Variants in NSMCE2 observed in about 807,000 individuals in gnomAD.
The protein encoded by NSMCE2 is E3 SUMO-protein ligase NSE2.
A neutral mutation model predicts 23.8 loss-of-function variants in NSMCE2; 24 were observed. The observed-to-expected ratio is 1.01, with a 90% CI of 0.73 to 1.42. The LOEUF (loss-of-function observed/expected upper bound fraction) is 1.42. NSMCE2 is among the 40% of genes most tolerant of loss of function. The pLI, the probability that NSMCE2 is intolerant of heterozygous loss-of-function variation, is 0.00. For missense variants in NSMCE2, 284 were observed against 296.5 expected, an observed-to-expected ratio of 0.96 and a Z score of 0.31; for synonymous variants, 92 against 94.1, an observed-to-expected ratio of 0.98 and a Z score of 0.13.
chr8:125,107,567 T>G (rs1818526586), intron 3 of NSMCE2, among the ~76,000 whole-genome samples: 1 of 152,174 alleles, frequency 6.6e-6, no homozygotes, highest in Non-Finnish European at 1.5e-5. Context: ...CAATGATCTA[T>G]TAGAGTGCAA....
At chr8:125,153,190 A>C (rs1190125936) in intron 4 of NSMCE2, among the ~76,000 whole-genome samples, 1 of 151,506 alleles carries the variant, frequency 6.6e-6, no homozygotes, top group Non-Finnish European at 1.5e-5. Context: ...TTTCATCTTG[A>C]GGTTTCATCT....
intron 5 of NSMCE2, among the ~76,000 whole-genome samples, chr8:125,200,242 T>C (rs1016107449): frequency 3.3e-5 from 5 of 152,198 alleles, no homozygotes; most frequent in Non-Finnish European, 7.3e-5. Flanking sequence ...ATTTTGCCCG[T>C]TAATTGATGC....
chr8:125,114,369 A>G (rs1818898974), intron 3 of NSMCE2, among the ~76,000 whole-genome samples: 1 of 152,216 alleles, frequency 6.6e-6, no homozygotes, highest in East Asian at 1.9e-4. Context: ...AGCACTCAAT[A>G]AATGAAAGAA....
intron 3 of NSMCE2, among the ~76,000 whole-genome samples, chr8:125,109,939 G>C (rs1818648306): frequency 6.6e-6 from 1 of 152,006 alleles, no homozygotes; most frequent in Non-Finnish European, 1.5e-5. Context: ...GATTACCGAA[G>C]CTTATTTTTT....
chr8:125,151,140 A>C, intron 3 of NSMCE2, 31 bp from the exon 4 acceptor site: 2 of 1,223,262 alleles, frequency 1.6e-6, no homozygotes, highest in Non-Finnish European at 2.4e-6. Flanking sequence ...TTTAAATGGA[A>C]AATAATAATT....
chr8:125,103,121 A>G (rs778510471), intron 3 of NSMCE2, among the ~76,000 whole-genome samples: 1 of 151,996 alleles, frequency 6.6e-6, no homozygotes, highest in Non-Finnish European at 1.5e-5. Flanking sequence ...CAAAACCAAC[A>G]TGGTGAAACC....
intron 5 of NSMCE2, among the ~76,000 whole-genome samples, chr8:125,268,425 G>A (rs1316195525): frequency 6.6e-6 from 1 of 152,060 alleles, no homozygotes. Context: ...GGGCTGCCTA[G>A]AGAATGATCA....
chr8:125,129,667 T>C (rs1165711041), intron 3 of NSMCE2, among the ~76,000 whole-genome samples: 1 of 152,102 alleles, frequency 6.6e-6, no homozygotes, highest in Non-Finnish European at 1.5e-5. Flanking sequence ...AAGTTAAAAA[T>C]TGTTTATACT....
At chr8:125,093,495 C>T (rs1337536485) in intron 1 of NSMCE2, among the ~76,000 whole-genome samples, 1 of 151,994 alleles carries the variant, frequency 6.6e-6, no homozygotes, top group African/African-American at 2.4e-5. Context: ...TTGAGACCAG[C>T]CTGGTCAACA....
At chr8:125,116,930 C>CA (rs1270221598) in intron 3 of NSMCE2, among the ~76,000 whole-genome samples, 1 of 149,830 alleles carries the variant, frequency 6.7e-6, no homozygotes, top group Non-Finnish European at 1.5e-5. Context: ...CTCTGTCACC[C>CA]ACTCTGGTGG....
intron 4 of NSMCE2, among the ~76,000 whole-genome samples, chr8:125,153,457 T>C (rs1400427731): frequency 6.6e-6 from 1 of 152,244 alleles, no homozygotes; most frequent in Non-Finnish European, 1.5e-5. Flanking sequence ...TATGGGGATA[T>C]GACCATTTTG....
In NSMCE2 at chr8:125,182,219, A is replaced by G. The variant is rs1241101017; in HGVS notation, c.381A>G (p.Val127=). Residue 127 remains valine (V), a synonymous_variant, in exon 5 of 8, where the codon GTA becomes GTG. Coordinates refer to ENST00000287437, the MANE Select transcript of NSMCE2 (RefSeq NM_173685.4). ...ACTTTCAAAATAATGAAAAATTTGT[A>G]CAGTTTAAACAACAGCTGAAAGAAC... ...DADFQNNEKF[V]QFKQQLKELK... 1.2e-6 allele frequency: 2 copies of G among 1,606,618 alleles called. No individual in the cohort carries two copies. Among genetic ancestry groups the G allele is most frequent in the East Asian group, 4.5e-5 (2 of 44,800 alleles).
intron 4 of NSMCE2, among the ~76,000 whole-genome samples, chr8:125,164,111 G>A (rs997872344): frequency 3.9e-5 from 6 of 152,170 alleles, no homozygotes; most frequent in African/African-American, 1.4e-4. Context: ...TCATACTCCA[G>A]TCTCCTGGCC....
chr8:125,333,193 A>C (rs1346361287), intron 5 of NSMCE2, among the ~76,000 whole-genome samples: 2 of 151,916 alleles, frequency 1.3e-5, no homozygotes, highest in Non-Finnish European at 2.9e-5. Context: ...TTTTAGAAAC[A>C]GAGTCTCGCT....
intron 4 of NSMCE2, among the ~76,000 whole-genome samples, chr8:125,181,304 G>A (rs113218930): frequency 6.6e-6 from 1 of 152,092 alleles, no homozygotes; most frequent in South Asian, 2.1e-4. Flanking sequence ...CTGTGTAAAG[G>A]TTCTTGAGAA....
intron 1 of NSMCE2, among the ~76,000 whole-genome samples, chr8:125,099,561 G>A (rs1174521065): frequency 6.6e-6 from 1 of 152,130 alleles, no homozygotes. Context: ...GAACAAGGTA[G>A]GCAGGTGCAG....
intron 5 of NSMCE2, among the ~76,000 whole-genome samples, chr8:125,323,088 A>G (rs1829518896): frequency 6.6e-6 from 1 of 152,226 alleles, no homozygotes; most frequent in South Asian, 2.1e-4. Flanking sequence ...TGAAATACCT[A>G]TCGATGTATC....
chr8:125,363,164 GT>G (rs1468879383), intron 7 of NSMCE2: 2 of 152,154 alleles, frequency 1.3e-5, no homozygotes, highest in African/African-American at 4.8e-5. Context: ...AGTCACAAAA[GT>G]GTCTGTATCC....
chr8:125,136,977 G>A (rs1820100419), intron 3 of NSMCE2, among the ~76,000 whole-genome samples: 1 of 152,026 alleles, frequency 6.6e-6, no homozygotes, highest in South Asian at 2.1e-4. Context: ...AAATTGAATG[G>A]GATAAGTATA....
Sources: allele counts gnomAD v4.1 joint callset (sites outside exome capture counted in the v4.1 genomes callset), GRCh38; gene constraint gnomAD v4.1.1; transcripts MANE v1.5; gene names NCBI Gene and HGNC (gene_info 2026-07-23, HGNC 2026-07-21).